NWD1: variants seen among roughly 807,000 people sequenced by gnomAD.
NWD1 encodes the protein NACHT and WD repeat domain containing 1, also known as NACHT domain- and WD repeat-containing protein 1.
In NWD1, 129 loss-of-function variants were observed where a neutral mutation model predicts 135.1. The observed-to-expected ratio is 0.96, with a 90% CI of 0.83 to 1.11. NWD1 has a LOEUF of 1.11. NWD1 is among the 50% of genes least tolerant of loss of function. NWD1 has a pLI of 0.00. For missense variants in NWD1, 1,740 were observed against 1,851.3 expected (o/e 0.94, Z 1.10); for synonymous variants, 773 against 786.0 (o/e 0.98, Z 0.28).
chr19:16,803,194 C>G (rs1435724042), intron 17 of NWD1, among the ~76,000 whole-genome samples: 1 of 152,126 alleles, frequency 6.6e-6, no homozygotes, highest in African/African-American at 2.4e-5. Context: ...AGACTGCCTC[C>G]ATGATTCAAT....
At position 16,750,393 on chromosome 19, in the gene NWD1, G is replaced by C; in HGVS notation, c.1751G>C (p.Gly584Ala). The change falls in exon 6 of 19, where the codon GGC (glycine) becomes GCC (alanine). Residue 584 changes from glycine (G) to alanine (A), a missense_variant. Gly to Ala is a moderately conservative substitution (Grantham distance 60). Coordinates refer to ENST00000524140, the MANE Select transcript of NWD1 (RefSeq NM_001007525.5). The stretch of plus-strand genomic sequence containing the variant: ...CAGCTCCTCGTGGCCCACGTGCTGG[G>C]CTACATTGTGTCTTCCCGGTAAGTC... Reference protein sequence around the residue: ...HGQLLVAHVLGYIVSSRHGLS... With the variant: ...HGQLLVAHVLAYIVSSRHGLS... The C allele has an allele frequency of 6.4e-7, 1 of 1,574,578 alleles. No individual in the cohort carries two copies. The highest frequency in any genetic ancestry group is 1.4e-5 in the African/African-American group (1 of 73,146).
chr19:16,737,170 CT>C (rs1967855957), intron 4 of NWD1, among the ~76,000 whole-genome samples: 1 of 152,166 alleles, frequency 6.6e-6, no homozygotes, highest in Non-Finnish European at 1.5e-5. Flanking sequence ...GACTTCTCCC[CT>C]CTCTCTTCCA....
Position 16,748,180 on chromosome 19 carries a change from C to T in NWD1, c.497-959C>T, listed in dbSNP as rs561308549. Among the ~76,000 whole-genome samples, 11 of 152,034 alleles carry T rather than the reference C, an allele frequency of 7.2e-5. No homozygotes were observed. The South Asian group carries it at 2.3e-3, about 32-fold the overall frequency. On this transcript the variant is annotated intron_variant, in intron 5 of 18. Coordinates refer to ENST00000524140, the MANE Select transcript of NWD1 (RefSeq NM_001007525.5). ...TGTATTTTTAGTAGTGACAAGGTTT[C>T]ACCATGTTGGCCAGGCTGGTCTCAA...
chr19:16,768,677 T>G (rs1288802365), intron 10 of NWD1, among the ~76,000 whole-genome samples: 1 of 152,158 alleles, frequency 6.6e-6, no homozygotes, highest in Non-Finnish European at 1.5e-5. Context: ...AAGTGAAAAC[T>G]CAAAGGAGTG....
At chr19:16,747,853 A>G (rs1386812279) in intron 5 of NWD1, among the ~76,000 whole-genome samples, 1 of 152,138 alleles carries the variant, frequency 6.6e-6, no homozygotes, top group African/African-American at 2.4e-5. Context: ...CTCACTTGGC[A>G]TCATATTTTT....
chr19:16,778,361 T>C (rs986884593), intron 11 of NWD1, among the ~76,000 whole-genome samples: 1 of 152,172 alleles, frequency 6.6e-6, no homozygotes, highest in African/African-American at 2.4e-5. Context: ...GGCAAATATA[T>C]ATTTTTTTTC....
chr19:16,763,709 TC>T, intron 8 of NWD1, 118 bp from the exon 9 acceptor site: 1 of 697,916 alleles, frequency 1.4e-6, no homozygotes, highest in East Asian at 2.6e-5. Context: ...ATGTCTGTCT[TC>T]CATTGCATTC....
intron 2 of NWD1, among the ~76,000 whole-genome samples, chr19:16,730,278 C>T (rs993592337): frequency 5.3e-5 from 8 of 151,844 alleles, no homozygotes; most frequent in Admixed American, 1.3e-4. Flanking sequence ...GCTGAGATCA[C>T]GCCACTGCAC....
chr19:16,802,708 G>T (rs1346087729), intron 17 of NWD1, among the ~76,000 whole-genome samples: 1 of 151,822 alleles, frequency 6.6e-6, no homozygotes, highest in East Asian at 1.9e-4. Context: ...TGCTAATAAA[G>T]ACATACCTGA....
At chr19:16,779,217 AG>A in intron 11 of NWD1, 125 bp from the exon 12 acceptor site, 5 of 1,066,688 alleles carry the variant, frequency 4.7e-6, no homozygotes, top group Non-Finnish European at 7.1e-6. Context: ...GCTTTGGGCA[AG>A]GGACCAAATC....
rs532136843 is a variant in NWD1, at chr19:16,815,802, A to G, written c.*763A>G. 6.4e-6 allele frequency: 1 copy of G among 156,878 alleles called. No homozygotes were observed. Among genetic ancestry groups the G allele is most frequent in the Non-Finnish European group, 1.4e-5 (1 of 70,886 alleles). The allele number at this position is 156,878 out of a possible 1,614,324, so 9.7% of individuals were successfully genotyped here. Reference sequence around the variant, plus strand: ...TGAAGGGGGAACGGATGAATGTGAGATACAGCAAATCACTGATGTGGACCA... The same window carrying G: ...TGAAGGGGGAACGGATGAATGTGAGGTACAGCAAATCACTGATGTGGACCA... On this transcript the variant is annotated 3_prime_UTR_variant, in exon 19 of 19. Transcript: ENST00000524140.
In NWD1 at chr19:16,798,652, T is replaced by A. The variant is rs530800036; in HGVS notation, c.3459+766T>A. 9.9e-5 allele frequency among the ~76,000 whole-genome samples: 15 copies of A among 152,232 alleles called. No individual in the cohort carries two copies. In the East Asian group the frequency reaches 2.9e-3, roughly 29 times the overall value. ...ATTTTCTTTATTTTTTGAGACCAAG[T>A]CTCACTCAGTCGCCCAGGCTGGAGG... On this transcript the variant is annotated intron_variant, in intron 16 of 18. Transcript: ENST00000524140.
intron 17 of NWD1, among the ~76,000 whole-genome samples, chr19:16,806,908 C>T (rs1239315215): frequency 2.0e-5 from 3 of 151,216 alleles, no homozygotes; most frequent in Admixed American, 6.6e-5. Context: ...TCCCAGCTAC[C>T]CGGGAGACTG....
At chr19:16,756,344 C>T (rs979400238) in intron 6 of NWD1, among the ~76,000 whole-genome samples, 6 of 152,110 alleles carry the variant, frequency 3.9e-5, no homozygotes, top group Admixed American at 2.0e-4. Context: ...GTCATCTTCA[C>T]ATTGAGTAGG....
At chr19:16,735,921 G>A (rs574553654) in intron 3 of NWD1, among the ~76,000 whole-genome samples, 8 of 142,770 alleles carry the variant, frequency 5.6e-5, no homozygotes, top group Admixed American at 1.4e-4. Context: ...ACAAGATTGC[G>A]CCACTGCACT....
intron 6 of NWD1, among the ~76,000 whole-genome samples, chr19:16,751,580 C>T (rs937195179): frequency 2.0e-5 from 3 of 151,420 alleles, no homozygotes; most frequent in African/African-American, 2.4e-5. Context: ...GCAGGTGGAT[C>T]ACTTGAAGTC....
At chr19:16,731,150 C>G (rs1205169697) in intron 2 of NWD1, 42 bp from the exon 3 acceptor site, 2 of 1,044,836 alleles carry the variant, frequency 1.9e-6, no homozygotes, top group Non-Finnish European at 2.8e-6. Context: ...GGGAAGAGTT[C>G]TGAGTCCTTT....
At chr19:16,769,564 A>G (rs868403981) in intron 10 of NWD1, among the ~76,000 whole-genome samples, 9 of 151,978 alleles carry the variant, frequency 5.9e-5, no homozygotes, top group African/African-American at 2.2e-4. Flanking sequence ...TGTAGCCTAC[A>G]TGGCTGTGTA....
At position 16,807,585 on chromosome 19, in the gene NWD1, G is replaced by A. The variant is rs770161494; in HGVS notation, c.3737-1G>A. 6.6e-7 allele frequency: 1 copy of A among 1,519,130 alleles called. No individual in the cohort carries two copies. The highest frequency in any genetic ancestry group is 1.4e-5 in the African/African-American group (1 of 71,770). 94.1% of individuals were successfully genotyped at this position (1,519,130 alleles called of 1,614,324 possible). A position where few individuals can be genotyped will look rare whatever the true frequency, so the allele number is the denominator to read the frequency against. ...TCATTCTCATTTTTCTTCCCTGGCA[G>A]GCGAGGAACAAGATTCCCTGGACAC... On this transcript the variant is annotated splice_acceptor_variant, in intron 17 of 18. Transcript: ENST00000524140. LOFTEE classifies it high-confidence loss of function.
Sources: allele counts gnomAD v4.1 joint callset (sites outside exome capture counted in the v4.1 genomes callset), GRCh38; gene constraint gnomAD v4.1.1; transcripts MANE v1.5; gene names NCBI Gene and HGNC (gene_info 2026-07-23, HGNC 2026-07-21).